DIAPH3: variants seen among roughly 807,000 people sequenced by gnomAD.
The protein encoded by DIAPH3 is diaphanous related formin 3, also known as protein diaphanous homolog 3.
In DIAPH3, 117 loss-of-function variants were observed where a neutral mutation model predicts 144.3. The observed-to-expected ratio is 0.81, with a 90% CI of 0.70 to 0.95. The LOEUF (loss-of-function observed/expected upper bound fraction) is 0.95. DIAPH3 is among the 40% of genes least tolerant of loss of function. The probability of loss-of-function intolerance (pLI) is 0.00; values close to 1 mark genes in which losing one functional copy is unlikely to be tolerated. For missense variants in DIAPH3, 1,421 were observed against 1,412.7 expected (o/e 1.01, Z -0.09); for synonymous variants, 519 against 488.9 (o/e 1.06, Z -0.81).
intron 2 of DIAPH3, among the ~76,000 whole-genome samples, chr13:60,126,601 C>CA (rs1391929596): frequency 1.3e-4 from 20 of 152,108 alleles, no homozygotes; most frequent in African/African-American, 4.3e-4. Context: ...CACTACCAAC[C>CA]ATTCAGAATA....
chr13:59,694,573 G>T (rs1168935315), intron 27 of DIAPH3, among the ~76,000 whole-genome samples: 2 of 152,092 alleles, frequency 1.3e-5, no homozygotes, highest in African/African-American at 4.8e-5. Flanking sequence ...TAAAACGCTT[G>T]ATTGTTAAAA....
At chr13:59,685,233 T>C (rs1240555047) in intron 27 of DIAPH3, among the ~76,000 whole-genome samples, 1 of 152,150 alleles carries the variant, frequency 6.6e-6, no homozygotes, top group Non-Finnish European at 1.5e-5. Flanking sequence ...TTCCTTCTAC[T>C]CTTACCTTCA....
chr13:59,962,840 A>T (rs1413958254), intron 17 of DIAPH3, among the ~76,000 whole-genome samples: 1 of 152,148 alleles, frequency 6.6e-6, no homozygotes, highest in African/African-American at 2.4e-5. Flanking sequence ...AACTACCTTA[A>T]TTTTGAAATA....
At chr13:59,936,706 A>G (rs1364487528) in intron 17 of DIAPH3, among the ~76,000 whole-genome samples, 2 of 152,166 alleles carry the variant, frequency 1.3e-5, no homozygotes, top group Non-Finnish European at 2.9e-5. Context: ...TTCTAACATC[A>G]TCTATCTTGG....
chr13:60,096,595 GTCAGTAAGGACGATCCGCCC>G (rs1340266924), intron 3 of DIAPH3, among the ~76,000 whole-genome samples: 1 of 152,192 alleles, frequency 6.6e-6, no homozygotes, highest in African/African-American at 2.4e-5. Context: ...TGGACTGTAA[GTCAGTAAGGACGATCCGCCC>G]TCAGTATGGG....
At chr13:59,811,460 C>T (rs181367454) in intron 24 of DIAPH3, among the ~76,000 whole-genome samples, 75 of 152,104 alleles carry the variant, frequency 4.9e-4, no homozygotes, top group African/African-American at 1.7e-3. Context: ...ATTTCTTGGC[C>T]GGGCACAGTG....
chr13:60,138,334 T>C (rs898890059), intron 1 of DIAPH3, among the ~76,000 whole-genome samples: 1 of 152,198 alleles, frequency 6.6e-6, no homozygotes, highest in South Asian at 2.1e-4. Context: ...CCCTACTCCA[T>C]ACTCCACCAC....
At chr13:59,679,969 G>T (rs2032854542) in intron 27 of DIAPH3, among the ~76,000 whole-genome samples, 1 of 151,826 alleles carries the variant, frequency 6.6e-6, no homozygotes, top group African/African-American at 2.4e-5. Flanking sequence ...ATTTCAATCT[G>T]GGGCATCATA....
At chr13:59,923,596 G>T (rs1476381990) in intron 18 of DIAPH3, among the ~76,000 whole-genome samples, 1 of 152,078 alleles carries the variant, frequency 6.6e-6, no homozygotes, top group East Asian at 1.9e-4. Context: ...GCCAGGGGGA[G>T]CTTCTTCAAC....
At chr13:59,955,698 A>G (rs1305463409) in intron 17 of DIAPH3, among the ~76,000 whole-genome samples, 1 of 152,164 alleles carries the variant, frequency 6.6e-6, no homozygotes, top group Non-Finnish European at 1.5e-5. Context: ...GGACCTTCCT[A>G]GAGACTTGGA....
At chr13:60,017,402 C>CAT (rs1277027735) in intron 5 of DIAPH3, among the ~76,000 whole-genome samples, 1 of 125,082 alleles carries the variant, frequency 8.0e-6, no homozygotes, top group East Asian at 2.2e-4. Flanking sequence ...AAAACTCCAT[C>CAT]ACAAAAAAAA....
intron 24 of DIAPH3, among the ~76,000 whole-genome samples, chr13:59,830,841 G>C (rs77284929): frequency 0.044 from 6,708 of 151,834 alleles, 238 homozygotes; most frequent in South Asian, 0.11. Flanking sequence ...ACATAGTTGG[G>C]ATCTGGATTC....
chr13:59,985,634 AC>A (rs1384622544), intron 12 of DIAPH3, among the ~76,000 whole-genome samples: 2 of 58,380 alleles, frequency 3.4e-5, no homozygotes, highest in East Asian at 6.0e-4. Flanking sequence ...GTCTCAGGAT[AC>A]AAAATCAATG....
Position 59,974,342 on chromosome 13 carries a change from G to A in DIAPH3, c.1650+10C>T. ...TTTAATACCCAAATTCACTCAGAGT[G>A]GAATTTTACCTGAGACTTAAAAGCT... On this transcript the variant is annotated intron_variant, in intron 15 of 27. Transcript: ENST00000400324. The A allele has an allele frequency of 6.2e-7, 1 of 1,603,370 alleles. No homozygotes were observed. The highest frequency in any genetic ancestry group is 1.7e-5 in the Admixed American group (1 of 59,794).
intron 24 of DIAPH3, among the ~76,000 whole-genome samples, chr13:59,819,736 T>G (rs1364848007): frequency 6.8e-6 from 1 of 146,922 alleles, no homozygotes; most frequent in Non-Finnish European, 1.5e-5. Context: ...ATACATTAAG[T>G]ATGACATTTC....
chr13:59,749,237 A>G (rs2036866014), intron 27 of DIAPH3, among the ~76,000 whole-genome samples: 1 of 136,250 alleles, frequency 7.3e-6, no homozygotes, highest in African/African-American at 2.9e-5. Flanking sequence ...AAAAAAAAGT[A>G]CGGCCGGGTG....
chr13:59,812,188 ACC>A (rs1197103078), intron 24 of DIAPH3, among the ~76,000 whole-genome samples: 12 of 152,230 alleles, frequency 7.9e-5, no homozygotes, highest in African/African-American at 2.2e-4. Flanking sequence ...AATATTTTTG[ACC>A]AACAACAAAA....
intron 21 of DIAPH3, among the ~76,000 whole-genome samples, chr13:59,874,481 G>A (rs1481287259): frequency 6.6e-6 from 1 of 152,080 alleles, no homozygotes; most frequent in African/African-American, 2.4e-5. Flanking sequence ...AAAAATTCAT[G>A]CATTAGAAAA....
intron 17 of DIAPH3, among the ~76,000 whole-genome samples, chr13:59,955,803 A>AT (rs1353635344): frequency 3.9e-5 from 6 of 152,206 alleles, no homozygotes; most frequent in Non-Finnish European, 8.8e-5. Flanking sequence ...TATTGACAAT[A>AT]AACTCCAGGC....
Sources: allele counts gnomAD v4.1 joint callset (sites outside exome capture counted in the v4.1 genomes callset), GRCh38; gene constraint gnomAD v4.1.1; transcripts MANE v1.5; gene names NCBI Gene and HGNC (gene_info 2026-07-23, HGNC 2026-07-21).